The following PHF14 variants were observed in gnomAD, a reference collection of about 807,000 sequenced individuals.
PHF14 encodes the protein PHD finger protein 14.
Under a neutral mutation model 117.9 loss-of-function variants are expected in PHF14, and 55 were observed. The observed-to-expected ratio is 0.47, with a 90% CI of 0.38 to 0.58. The LOEUF is 0.58. Ranked by LOEUF, PHF14 falls within the 20% of genes least tolerant of loss-of-function variation. The probability of loss-of-function intolerance (pLI) is 0.00; values close to 1 mark genes in which losing one functional copy is unlikely to be tolerated. For missense variants in PHF14, 978 were observed against 1,122.2 expected (o/e 0.87, Z 1.84); for synonymous variants, 409 against 368.6 (o/e 1.11, Z -1.26).
intron 12 of PHF14, among the ~76,000 whole-genome samples, chr7:11,042,241 T>C (rs959118075): frequency 7.9e-5 from 12 of 151,998 alleles, no homozygotes; most frequent in African/African-American, 2.9e-4. Context: ...TTACAACTAA[T>C]GGTAGGAAAT....
At chr7:11,061,754 A>AGG in intron 14 of PHF14, 37 bp from the exon 15 acceptor site, 1 of 1,457,710 alleles carries the variant, frequency 6.9e-7, no homozygotes, top group Non-Finnish European at 9.1e-7. Flanking sequence ...TATACTGTGG[A>AGG]TTTTTGTTTT....
chr7:11,137,749 C>T (rs369407608), intron 17 of PHF14, among the ~76,000 whole-genome samples: 2 of 151,974 alleles, frequency 1.3e-5, no homozygotes, highest in East Asian at 3.9e-4. Flanking sequence ...CCACGCCTGG[C>T]TAATTTTTGT....
At chr7:11,073,522 C>T (rs868187714) in intron 16 of PHF14, among the ~76,000 whole-genome samples, 1 of 152,206 alleles carries the variant, frequency 6.6e-6, no homozygotes, top group Non-Finnish European at 1.5e-5. Context: ...ATTCAGCCCC[C>T]TTGGCTGCTC....
chr7:11,014,027 C>T, intron 5 of PHF14, 121 bp downstream of exon 5: 1 of 601,622 alleles, frequency 1.7e-6, no homozygotes, highest in South Asian at 3.7e-5. Context: ...ATCTTCTTGG[C>T]ATAGAATAAA....
At position 11,011,582 on chromosome 7, in the gene PHF14, A is replaced by C. The variant is rs78705952; in HGVS notation, c.1046-2165A>C. The stretch of plus-strand genomic sequence containing the variant: ...AGGATGTTGGGATGGTTGCTATTTT[A>C]TCTTTAGAAATGACCTATTTTGAGA... On this transcript the variant is annotated intron_variant, in intron 4 of 17. Coordinates refer to ENST00000634607, the MANE Select transcript of PHF14 (RefSeq NM_001007157.2). Among the ~76,000 whole-genome samples the C allele has an allele frequency of 5.9e-5, 9 of 152,320 alleles. No homozygotes were observed. The East Asian group carries it at 1.3e-3, about 23-fold the overall frequency.
chr7:11,049,498 A>C (rs1784782499), intron 13 of PHF14, among the ~76,000 whole-genome samples: 1 of 151,792 alleles, frequency 6.6e-6, no homozygotes, highest in African/African-American at 2.4e-5. Flanking sequence ...AAAAAAGTGT[A>C]AATTAGAACT....
In PHF14 at chr7:11,040,757, T is replaced by C; in HGVS notation, c.2162T>C (p.Leu721Pro). Residue 721 changes from leucine to proline, a missense_variant, in exon 12 of 18, where the codon CTT becomes CCT. Physicochemically the swap from Leu to Pro is moderately conservative, Grantham distance 98. Around this residue, in one of 7 missense-constraint regions of PHF14, gnomAD observed 237 missense variants for 276.4 expected, o/e 0.86. Transcript: ENST00000634607. ...GGAGGCACACAAAAGACATCTACTCTTCCTGCAGTACTTTATAGGCAAGTA... is the reference window on the plus strand; with the variant it reads ...GGAGGCACACAAAAGACATCTACTCCTCCTGCAGTACTTTATAGGCAAGTA... ...KEGGTQKTSTLPAVLYSCGIC... is the reference protein window; with the variant it reads ...KEGGTQKTSTPPAVLYSCGIC... 2 of 1,542,878 alleles carry C rather than the reference T, an allele frequency of 1.3e-6. No individual in the cohort carries two copies. Among genetic ancestry groups the C allele is most frequent in the Non-Finnish European group, 1.8e-6 (2 of 1,136,842 alleles).
chr7:11,061,956 T>C lies in PHF14; in HGVS notation c.2533-8T>C, dbSNP rs370949166. 84 of 1,583,104 alleles carry C rather than the reference T, an allele frequency of 5.3e-5. No individual in the cohort carries two copies. Among genetic ancestry groups the C allele is most frequent in the Non-Finnish European group, 7.0e-5 (82 of 1,164,056 alleles). ...TTATGTTTTATTTTATTATCCCTTG[T>C]ATGGCAGGAAAGAGTTCCTAGAGAG... On this transcript the variant is annotated splice_polypyrimidine_tract_variant and splice_region_variant and intron_variant, in intron 15 of 17. Transcript: ENST00000634607.
At chr7:11,155,491 C>T (rs1405688491) in intron 17 of PHF14, among the ~76,000 whole-genome samples, 2 of 152,154 alleles carry the variant, frequency 1.3e-5, no homozygotes, top group African/African-American at 2.4e-5. Flanking sequence ...CTTACCCTTC[C>T]CACTGTTCCC....
At chr7:11,100,152 A>G (rs960925063) in intron 16 of PHF14, among the ~76,000 whole-genome samples, 2 of 152,022 alleles carry the variant, frequency 1.3e-5, no homozygotes, top group Non-Finnish European at 2.9e-5. Context: ...TTTCATTTGT[A>G]TTGATTTTAT....
intron 9 of PHF14, 31 bp from the exon 10 acceptor site, chr7:11,036,954 T>TA (rs1219800492): frequency 7.2e-7 from 1 of 1,395,228 alleles, no homozygotes; most frequent in South Asian, 1.3e-5. Flanking sequence ...TACTTCCTAC[T>TA]AAAGTAAAAT....
intron 3 of PHF14, among the ~76,000 whole-genome samples, chr7:10,986,060 C>G (rs1238497363): frequency 6.6e-6 from 1 of 151,994 alleles, no homozygotes; most frequent in African/African-American, 2.4e-5. Flanking sequence ...CTTTGATCTC[C>G]CAGGCTCAGG....
chr7:11,006,769 G>A, intron 4 of PHF14: 1 of 770,648 alleles, frequency 1.3e-6, no homozygotes. Context: ...TTTTTTGGTG[G>A]CTGTGGACAC....
intron 4 of PHF14, among the ~76,000 whole-genome samples, chr7:11,004,351 C>A (rs1225969493): frequency 7.6e-6 from 1 of 130,754 alleles, no homozygotes; most frequent in Non-Finnish European, 1.6e-5. Context: ...TTCTTCCAGG[C>A]TTTTTTTTTT....
intron 6 of PHF14, among the ~76,000 whole-genome samples, chr7:11,028,258 G>A (rs1291443889): frequency 6.6e-6 from 1 of 152,088 alleles, no homozygotes; most frequent in Non-Finnish European, 1.5e-5. Flanking sequence ...TACTGAAAGT[G>A]GAAAACAGAA....
At chr7:11,084,458 TCATTCC>T (rs1346125294) in intron 16 of PHF14, among the ~76,000 whole-genome samples, 1 of 151,714 alleles carries the variant, frequency 6.6e-6, no homozygotes, top group African/African-American at 2.4e-5. Flanking sequence ...CCTCCTCTTT[TCATTCC>T]CATTCTAGCT....
rs1029330126 is a variant in PHF14 at position 11,164,932 on chromosome 7, CT to C, written c.2773-4474del. On this transcript the variant is annotated intron_variant, in intron 17 of 17. Transcript: ENST00000634607. ...TCTTGTCATTCATAACCTTGACATT[CT>C]TTTTTTTTTGAGACGGAGTCTCGCT... Among the ~76,000 whole-genome samples the C allele has an allele frequency of 1.4e-4, 21 of 149,972 alleles. No homozygotes were observed. In the East Asian group the frequency reaches 1.9e-3, roughly 14 times the overall value.
At chr7:11,093,329 A>G (rs1241952829) in intron 16 of PHF14, among the ~76,000 whole-genome samples, 2 of 152,184 alleles carry the variant, frequency 1.3e-5, no homozygotes, top group East Asian at 1.9e-4. Flanking sequence ...GTTGAACAGT[A>G]GAATACTTAC....
At chr7:11,049,052 GA>G (rs1784766249) in intron 13 of PHF14, among the ~76,000 whole-genome samples, 1 of 152,058 alleles carries the variant, frequency 6.6e-6, no homozygotes, top group Non-Finnish European at 1.5e-5. Context: ...AAGCGAAGAG[GA>G]AATATTTCAG....
Sources: allele counts gnomAD v4.1 joint callset (sites outside exome capture counted in the v4.1 genomes callset), GRCh38; gene constraint gnomAD v4.1.1; regional missense constraint gnomAD v4.1.1; transcripts MANE v1.5; gene names NCBI Gene and HGNC (gene_info 2026-07-23, HGNC 2026-07-21).